DRC1: variants seen among roughly 807,000 people sequenced by gnomAD.
DRC1 encodes dynein regulatory complex subunit 1.
A neutral mutation model predicts 98.7 loss-of-function variants in DRC1; 74 were observed. The ratio of observed to expected loss-of-function variants is 0.75; its 90% CI spans 0.62 to 0.91. DRC1 has a LOEUF of 0.91. DRC1 is among the 40% of genes least tolerant of loss of function. The probability of loss-of-function intolerance (pLI) is 0.00; values close to 1 mark genes in which losing one functional copy is unlikely to be tolerated. For synonymous variants in DRC1, 336 were observed against 334.1 expected, an observed-to-expected ratio of 1.01 and a Z score of -0.06; for missense variants, 875 against 886.0, an observed-to-expected ratio of 0.99 and a Z score of 0.16.
intron 4 of DRC1, among the ~76,000 whole-genome samples, chr2:26,424,811 G>T (rs1201249242): frequency 6.6e-6 from 1 of 152,090 alleles, no homozygotes; most frequent in Non-Finnish European, 1.5e-5. Flanking sequence ...AATTAGCCGG[G>T]CATGGTGGCA....
At chr2:26,410,051 A>G (rs1431020482) in intron 1 of DRC1, among the ~76,000 whole-genome samples, 1 of 151,966 alleles carries the variant, frequency 6.6e-6, no homozygotes, top group South Asian at 2.1e-4. Flanking sequence ...ATCCTCAAAG[A>G]AAAAAGAGAT....
chr2:26,448,864 C>T (rs1198181716), intron 11 of DRC1, 61 bp downstream of exon 11: 3 of 1,547,966 alleles, frequency 1.9e-6, no homozygotes, highest in African/African-American at 1.4e-5. Context: ...TCTGAGGCCT[C>T]TGCTGGGCCA....
At chr2:26,431,747 T>G in intron 6 of DRC1, 137 bp from the exon 7 acceptor site, 1 of 1,413,214 alleles carries the variant, frequency 7.1e-7, no homozygotes. Flanking sequence ...ATTCAGGACT[T>G]CTGAAAGCCA....
rs199734394 is a variant in DRC1 at position 26,430,763 on chromosome 2, G to A, written c.679-23G>A. 320 of 1,612,152 alleles carry A rather than the reference G, an allele frequency of 2.0e-4. No individual in the cohort carries two copies. In the African/African-American group the frequency reaches 3.9e-3, roughly 20 times the overall value. On this transcript the variant is annotated intron_variant, in intron 5 of 16. Transcript: ENST00000288710. ...CTGCCCAATCAAAACAGATGCAAGA[G>A]TGTTTTTCCTTCTTGGTCGTAGAAA...
chr2:26,456,243 C>T (rs1010506005), intron 16 of DRC1, among the ~76,000 whole-genome samples: 8 of 152,160 alleles, frequency 5.3e-5, no homozygotes, highest in Non-Finnish European at 1.0e-4. Context: ...AGATGAAGAA[C>T]GCTACCAGAG....
intron 1 of DRC1, among the ~76,000 whole-genome samples, chr2:26,411,933 G>C (rs1038788504): frequency 6.6e-6 from 1 of 152,106 alleles, no homozygotes; most frequent in Non-Finnish European, 1.5e-5. Context: ...GTCATTAATT[G>C]GTGGTCAAAG....
Position 26,410,333 on chromosome 2 carries a change from A to G in DRC1, c.156-4011A>G, listed in dbSNP as rs796205743. On this transcript the variant is annotated intron_variant, in intron 1 of 16. Coordinates refer to ENST00000288710, the MANE Select transcript of DRC1 (RefSeq NM_145038.5). ...GTTGCCCAGGCTGGAGTGCAATGGC[A>G]TGATCTCGGCTCACTGCAACCTCTG... Among the ~76,000 whole-genome samples the G allele has an allele frequency of 7.3e-4, 110 of 150,970 alleles. 2 individuals are homozygous for G. Among genetic ancestry groups the G allele is most frequent in the African/African-American group, 2.5e-3 (103 of 41,310 alleles).
intron 3 of DRC1, 124 bp downstream of exon 3, chr2:26,421,524 C>T: frequency 2.0e-6 from 1 of 495,072 alleles, no homozygotes. Context: ...GCCCTTATAA[C>T]TTCTCCCTCC....
At chr2:26,426,426 G>A (rs1220660683) in intron 4 of DRC1, among the ~76,000 whole-genome samples, 1 of 151,076 alleles carries the variant, frequency 6.6e-6, no homozygotes, top group Admixed American at 6.6e-5. Flanking sequence ...GAGTGCAGTG[G>A]TTTGATCTCG....
intron 10 of DRC1, among the ~76,000 whole-genome samples, chr2:26,448,096 G>A (rs1233294215): frequency 6.6e-6 from 1 of 151,290 alleles, no homozygotes; most frequent in African/African-American, 2.4e-5. Context: ...GTCGCGGTGG[G>A]TGTCTGTAAT....
intron 4 of DRC1, among the ~76,000 whole-genome samples, chr2:26,429,402 A>T (rs1663373415): frequency 6.6e-6 from 1 of 151,742 alleles, no homozygotes. Context: ...TTTTTTGTAG[A>T]GACAGAGTTT....
intron 1 of DRC1, among the ~76,000 whole-genome samples, chr2:26,407,649 C>T (rs750047697): frequency 5.9e-5 from 9 of 152,108 alleles, no homozygotes; most frequent in Non-Finnish European, 1.0e-4. Flanking sequence ...CTTCGTCCGA[C>T]CACCCGGCAC....
chr2:26,427,104 T>G (rs1163092259), intron 4 of DRC1, among the ~76,000 whole-genome samples: 3 of 152,144 alleles, frequency 2.0e-5, no homozygotes, highest in Non-Finnish European at 4.4e-5. Context: ...ATTTAAAATT[T>G]TTTAAACATT....
At chr2:26,411,772 G>C (rs550922221) in intron 1 of DRC1, among the ~76,000 whole-genome samples, 3 of 151,846 alleles carry the variant, frequency 2.0e-5, no homozygotes, top group Non-Finnish European at 2.9e-5. Flanking sequence ...ACTGCAGCCT[G>C]GGGACAGAGC....
chr2:26,452,471 G>A (rs1223893783), intron 13 of DRC1, among the ~76,000 whole-genome samples: 1 of 152,152 alleles, frequency 6.6e-6, no homozygotes, highest in Non-Finnish European at 1.5e-5. Context: ...TGTTGGCCAG[G>A]CTGCTCTCGA....
chr2:26,428,615 G>A (rs1214947218), intron 4 of DRC1, among the ~76,000 whole-genome samples: 1 of 152,118 alleles, frequency 6.6e-6, no homozygotes, highest in Non-Finnish European at 1.5e-5. Flanking sequence ...TGGCTAACAC[G>A]GTGAAACCCT....
At chr2:26,442,339 G>T (rs778293829) in intron 8 of DRC1, among the ~76,000 whole-genome samples, 10 of 152,208 alleles carry the variant, frequency 6.6e-5, no homozygotes, top group Non-Finnish European at 1.5e-4. Context: ...CCCACAGTAG[G>T]ATACTGATGA....
At chr2:26,416,645 T>A (rs1344309372) in intron 2 of DRC1, among the ~76,000 whole-genome samples, 2 of 152,204 alleles carry the variant, frequency 1.3e-5, no homozygotes, top group Non-Finnish European at 2.9e-5. Context: ...AGATTTTTAG[T>A]TGACCCAGCA....
chr2:26,418,715 A>T (rs1225827808), intron 2 of DRC1, among the ~76,000 whole-genome samples: 31 of 111,780 alleles, frequency 2.8e-4, no homozygotes, highest in Middle Eastern at 3.8e-3. Flanking sequence ...TAATTTATAT[A>T]ATATATAAAT....
Sources: allele counts gnomAD v4.1 joint callset (sites outside exome capture counted in the v4.1 genomes callset), GRCh38; gene constraint gnomAD v4.1.1; transcripts MANE v1.5; gene names NCBI Gene and HGNC (gene_info 2026-07-23, HGNC 2026-07-21).